The following LMTK2 variants were observed in gnomAD, a reference collection of about 807,000 sequenced individuals.
The protein encoded by LMTK2 is lemur tail kinase 2.
LMTK2 carries 37 observed loss-of-function variants against 127.5 expected under a neutral mutation model. That is an observed-to-expected ratio of 0.29 (90% CI 0.22 to 0.38). The LOEUF (loss-of-function observed/expected upper bound fraction) is 0.38, where lower values mean the gene tolerates loss of function less well. Ranked by LOEUF, LMTK2 falls within the 10% of genes least tolerant of loss-of-function variation. The pLI is 1.00. For missense variants in LMTK2, 1,694 were observed against 1,920.3 expected (o/e 0.88, Z 2.20); for synonymous variants, 819 against 810.1 (o/e 1.01, Z -0.19).
intron 1 of LMTK2, among the ~76,000 whole-genome samples, chr7:98,108,682 T>G (rs1796153560): frequency 6.6e-6 from 1 of 152,078 alleles, no homozygotes; most frequent in Non-Finnish European, 1.5e-5. Context: ...GGAAGGATGG[T>G]GATGTTGATA....
At chr7:98,110,121 A>G (rs1410253525) in intron 1 of LMTK2, among the ~76,000 whole-genome samples, 1 of 152,160 alleles carries the variant, frequency 6.6e-6, no homozygotes. Flanking sequence ...AAGCCTGATC[A>G]GTCTATCCAG....
intron 1 of LMTK2, among the ~76,000 whole-genome samples, chr7:98,111,802 T>C (rs567554067): frequency 3.1e-4 from 47 of 152,264 alleles, no homozygotes; most frequent in Non-Finnish European, 6.0e-4. Context: ...AAAAAATCTT[T>C]GTTGCTCAAA....
chr7:98,149,560 A>G (rs923696976), intron 3 of LMTK2, among the ~76,000 whole-genome samples: 1 of 152,230 alleles, frequency 6.6e-6, no homozygotes, highest in East Asian at 1.9e-4. Context: ...GAACAACTGG[A>G]TATTCATTGG....
rs528555429 is a variant in LMTK2, at chr7:98,173,534, G to T, written c.791+1860G>T. ...GAATTCTTAAATTTTGGAGAAGGGG[G>T]TTTAATTTTAAAAGAGCATAATATT... On this transcript the variant is annotated intron_variant, in intron 7 of 13. Transcript: ENST00000297293. 1.8e-4 allele frequency among the ~76,000 whole-genome samples: 27 copies of T among 152,128 alleles called. No homozygotes were observed. In the South Asian group the frequency reaches 5.4e-3, roughly 30 times the overall value.
At chr7:98,179,286 T>A (rs1797317555) in intron 7 of LMTK2, among the ~76,000 whole-genome samples, 1 of 152,232 alleles carries the variant, frequency 6.6e-6, no homozygotes, top group South Asian at 2.1e-4. Context: ...ATGCCTGAGC[T>A]CGACATCGCC....
At chr7:98,145,462 A>T (rs186650044) in intron 3 of LMTK2, among the ~76,000 whole-genome samples, 2 of 152,152 alleles carry the variant, frequency 1.3e-5, no homozygotes, top group Admixed American at 1.3e-4. Flanking sequence ...ACCTTTTTAA[A>T]AAATATTTTA....
chr7:98,168,480 A>G (rs529287038), intron 6 of LMTK2, among the ~76,000 whole-genome samples: 12 of 152,348 alleles, frequency 7.9e-5, no homozygotes, highest in Non-Finnish European at 1.2e-4. Context: ...TGCGCTGTCT[A>G]TATCATTCTT....
At position 98,193,456 on chromosome 7, in the gene LMTK2, G is replaced by A. The variant is rs7811138; in HGVS notation, c.2991G>A (p.Pro997=). The A allele has an allele frequency of 6.9e-3, 11,110 of 1,614,030 alleles. 672 individuals carry two copies. The African/African-American group carries it at 0.13, about 19-fold the overall frequency. ...FPASEPSLET[P]DSLESVDVHE... ...CCTCTGAGCCGTCCCTGGAAACCCCGGACTCTCTGGAGTCAGTGGATGTCC... is the reference window on the plus strand; with the variant it reads ...CCTCTGAGCCGTCCCTGGAAACCCCAGACTCTCTGGAGTCAGTGGATGTCC... Residue 997 remains proline, a synonymous_variant, in exon 11 of 14, where the codon CCG becomes CCA. Coordinates refer to ENST00000297293, the MANE Select transcript of LMTK2 (RefSeq NM_014916.4). This position sits in a 1 kb window ranked among gnomAD's most constrained non-coding sequence, Gnocchi z 4.1.
intron 12 of LMTK2, 59 bp from the exon 13 acceptor site, chr7:98,203,885 T>TC: frequency 6.3e-7 from 1 of 1,598,568 alleles, no homozygotes; most frequent in Non-Finnish European, 8.5e-7. Context: ...GCCCAGAGGC[T>TC]CCCCCTCTCC....
chr7:98,113,044 C>T (rs917345203), intron 1 of LMTK2, among the ~76,000 whole-genome samples: 4 of 152,122 alleles, frequency 2.6e-5, no homozygotes, highest in African/African-American at 9.7e-5. Flanking sequence ...TGTGTGCCAC[C>T]ATGCCCACTT....
intron 3 of LMTK2, among the ~76,000 whole-genome samples, chr7:98,146,053 G>T (rs1187327581): frequency 6.6e-6 from 1 of 152,116 alleles, no homozygotes; most frequent in Admixed American, 6.6e-5. Context: ...ACTTAACAGT[G>T]TTTGAGAGAC....
intron 1 of LMTK2, among the ~76,000 whole-genome samples, chr7:98,116,386 G>GTGTC (rs1016735061): frequency 2.5e-4 from 34 of 137,208 alleles, no homozygotes; most frequent in Non-Finnish European, 4.6e-4. Flanking sequence ...ACCTCAGTGT[G>GTGTC]TGTCTGTGTG....
intron 9 of LMTK2, 65 bp downstream of exon 9, chr7:98,187,063 A>AAG: frequency 6.8e-7 from 1 of 1,473,626 alleles, no homozygotes; most frequent in South Asian, 1.2e-5. Context: ...TTCCTCTTTG[A>AAG]GTACTTCCTT....
chr7:98,107,531 G>A (rs1426447796), intron 1 of LMTK2, among the ~76,000 whole-genome samples: 1 of 152,236 alleles, frequency 6.6e-6, no homozygotes, highest in Non-Finnish European at 1.5e-5. Flanking sequence ...CCCGGGATAG[G>A]CTGCGGTGCC....
intron 6 of LMTK2, among the ~76,000 whole-genome samples, chr7:98,161,196 A>T: frequency 6.7e-6 from 1 of 149,188 alleles, no homozygotes; most frequent in Non-Finnish European, 1.5e-5. Context: ...TGTTTGTTTC[A>T]ATTTTCCCCA....
chr7:98,183,653 G>A (rs1012374721), intron 7 of LMTK2, among the ~76,000 whole-genome samples: 3 of 151,934 alleles, frequency 2.0e-5, no homozygotes, highest in South Asian at 4.2e-4. Context: ...GCCTCCCAGA[G>A]TACTGGGATT....
At chr7:98,115,635 C>T (rs143177590) in intron 1 of LMTK2, among the ~76,000 whole-genome samples, 51 of 151,720 alleles carry the variant, frequency 3.4e-4, no homozygotes, top group African/African-American at 1.1e-3. Flanking sequence ...TGGTGAAACC[C>T]CGTCTCTACT....
intron 1 of LMTK2, among the ~76,000 whole-genome samples, chr7:98,119,810 C>T (rs1439445473): frequency 6.6e-6 from 1 of 152,164 alleles, no homozygotes; most frequent in African/African-American, 2.4e-5. Context: ...ACCCCTGATT[C>T]GTAATCTATA....
intron 7 of LMTK2, among the ~76,000 whole-genome samples, chr7:98,176,611 G>A (rs538456265): frequency 3.1e-4 from 47 of 152,242 alleles, no homozygotes; most frequent in African/African-American, 1.1e-3. Flanking sequence ...TTGGGAGGCC[G>A]AGGTGGGCAG....
Sources: allele counts gnomAD v4.1 joint callset (sites outside exome capture counted in the v4.1 genomes callset), GRCh38; gene constraint gnomAD v4.1.1; non-coding constraint Gnocchi (gnomAD v3.1); transcripts MANE v1.5; gene names NCBI Gene and HGNC (gene_info 2026-07-23, HGNC 2026-07-21).